The following KIF18A variants were observed in gnomAD, a reference collection of about 807,000 sequenced individuals.
The protein encoded by KIF18A is kinesin-like protein KIF18A.
Under a neutral mutation model 103.3 loss-of-function variants are expected in KIF18A, and 67 were observed. The observed-to-expected ratio is 0.65, with a 90% CI of 0.53 to 0.79. KIF18A has a LOEUF of 0.79. KIF18A is among the 30% of genes least tolerant of loss of function. KIF18A has a pLI of 0.00. For synonymous variants in KIF18A, 367 were observed against 355.5 expected (o/e 1.03, Z -0.36); for missense variants, 1,032 against 1,062.5 (o/e 0.97, Z 0.40).
chr11:28,033,051 A>T (rs760649258), intron 15 of KIF18A, among the ~76,000 whole-genome samples: 2 of 151,726 alleles, frequency 1.3e-5, no homozygotes, highest in Non-Finnish European at 2.9e-5. Flanking sequence ...AAAATGGGCA[A>T]AAGAATAGAC....
chr11:28,028,976 C>T (rs999994785), intron 15 of KIF18A, among the ~76,000 whole-genome samples: 1 of 152,010 alleles, frequency 6.6e-6, no homozygotes, highest in African/African-American at 2.4e-5. Context: ...AAGACTAAAC[C>T]AGGACGAAGT....
At chr11:28,043,247 G>GGCT (rs1850584166) in intron 13 of KIF18A, among the ~76,000 whole-genome samples, 1 of 151,954 alleles carries the variant, frequency 6.6e-6, no homozygotes. Flanking sequence ...ACACATGGAT[G>GGCT]AGATACTCTT....
intron 1 of KIF18A, among the ~76,000 whole-genome samples, chr11:28,106,277 C>CA (rs1851501753): frequency 6.6e-6 from 1 of 152,110 alleles, no homozygotes; most frequent in South Asian, 2.1e-4. Context: ...TGCTTCCAAA[C>CA]AATGATACAG....
At chr11:28,087,352 C>T (rs2133556849) in intron 6 of KIF18A, among the ~76,000 whole-genome samples, 1 of 152,248 alleles carries the variant, frequency 6.6e-6, no homozygotes, top group South Asian at 2.1e-4. Flanking sequence ...GTTTTCTGTT[C>T]CTGTGTTAGT....
chr11:28,052,172 C>T (rs1286303008), intron 13 of KIF18A, among the ~76,000 whole-genome samples: 2 of 152,008 alleles, frequency 1.3e-5, no homozygotes, highest in Non-Finnish European at 2.9e-5. Context: ...ATTCTAGTGC[C>T]TCCTCATGTT....
chr11:28,095,844 C>A (rs1424619069), intron 2 of KIF18A, among the ~76,000 whole-genome samples: 1 of 150,504 alleles, frequency 6.6e-6, no homozygotes, highest in Non-Finnish European at 1.5e-5. Context: ...ACCCTGTATC[C>A]ACAAAAATTT....
rs1393786270 is a variant in KIF18A, at chr11:28,043,050, A to G, written c.1949-6386T>C. On this transcript the variant is annotated intron_variant, in intron 13 of 16. Coordinates refer to ENST00000263181, the MANE Select transcript of KIF18A (RefSeq NM_031217.4). ...AATTAGAACCAGGGATGATGGGGTAAGGTGGGAGTTGGGGAGAATGAGTGA... is the reference window on the plus strand; with the variant it reads ...AATTAGAACCAGGGATGATGGGGTAGGGTGGGAGTTGGGGAGAATGAGTGA... Among the ~76,000 whole-genome samples, 3 of 151,946 alleles carry G rather than the reference A, an allele frequency of 2.0e-5. No individual in the cohort carries two copies. In the South Asian group the frequency reaches 6.2e-4, roughly 31 times the overall value.
Position 28,096,745 on chromosome 11 carries a change from T to C in KIF18A, c.325+878A>G, listed in dbSNP as rs145364012. Among the ~76,000 whole-genome samples, 508 of 152,290 alleles carry C rather than the reference T, an allele frequency of 3.3e-3. 6 individuals carry two copies. The highest frequency in any genetic ancestry group is 0.012 in the African/African-American group (489 of 41,550). ...CAGGAAAAGACAGTGAAACATGTTA[T>C]AGTTGTGAGCTGTCTTGGGGAAAAT... is the stretch of plus-strand genomic sequence containing the variant. On this transcript the variant is annotated intron_variant, in intron 2 of 16. Coordinates refer to ENST00000263181, the MANE Select transcript of KIF18A (RefSeq NM_031217.4).
In KIF18A at chr11:28,083,211, A is replaced by G. The variant is rs1262947766; in HGVS notation, c.1107T>C (p.His369=). 2 of 1,561,500 alleles carry G rather than the reference A, an allele frequency of 1.3e-6. No homozygotes were observed. The highest frequency in any genetic ancestry group is 2.3e-5 in the East Asian group (1 of 42,650). ...LKSNVLNVNN[H]ITQYVKICNE... ...TACAGATCTTTACATATTGAGTTATATGATTATTGACATTAAGAACATTGC... is the reference window on the plus strand; with the variant it reads ...TACAGATCTTTACATATTGAGTTATGTGATTATTGACATTAAGAACATTGC... Residue 369 remains histidine (H), a synonymous_variant, in exon 8 of 17, where the codon CAT becomes CAC. Transcript: ENST00000263181.
intron 13 of KIF18A, among the ~76,000 whole-genome samples, chr11:28,037,291 G>C (rs1850505633): frequency 6.6e-6 from 1 of 151,454 alleles, no homozygotes; most frequent in South Asian, 2.1e-4. Flanking sequence ...CAGGTATACA[G>C]AGTTGACCCT....
chr11:28,058,270 T>A (rs1850807651), intron 13 of KIF18A, among the ~76,000 whole-genome samples: 1 of 151,774 alleles, frequency 6.6e-6, no homozygotes, highest in Non-Finnish European at 1.5e-5. Context: ...ATTATTATCA[T>A]AAAATATGAT....
rs1850819576 is a variant in KIF18A, at chr11:28,058,830, A to G, written c.1948+96T>C. ...TTTCCCATTAATTTTCATAAAATAG[A>G]CAAACCTATTAAAATTAACTGTTCT... On this transcript the variant is annotated intron_variant, in intron 13 of 16. Coordinates refer to ENST00000263181, the MANE Select transcript of KIF18A (RefSeq NM_031217.4). 3.4e-6 allele frequency: 3 copies of G among 892,018 alleles called. No individual in the cohort carries two copies. In the Admixed American group the frequency reaches 7.2e-5, roughly 21 times the overall value. The allele number at this position is 892,018 out of a possible 1,614,324, so 55.3% of individuals were successfully genotyped here.
chr11:28,100,017 A>G (rs560436091), intron 1 of KIF18A, among the ~76,000 whole-genome samples: 1 of 152,222 alleles, frequency 6.6e-6, no homozygotes, highest in Admixed American at 6.5e-5. Flanking sequence ...GTGTATTCTG[A>G]GGGTAAAGGT....
chr11:28,094,619 GATTA>G lies in KIF18A; in HGVS notation c.483+20_483+23del, dbSNP rs748336615. The G allele has an allele frequency of 1.8e-5, 28 of 1,546,322 alleles. No individual in the cohort carries two copies. The highest frequency in any genetic ancestry group is 2.5e-5 in the Non-Finnish European group (28 of 1,122,212). ...ATGTCAATGATTTCCCAAAACTATT[GATTA>G]ATCTAAATTCCCAACTTACCTCCAG... On this transcript the variant is annotated intron_variant, in intron 3 of 16. Coordinates refer to ENST00000263181, the MANE Select transcript of KIF18A (RefSeq NM_031217.4).
At chr11:28,039,013 G>A (rs186935644) in intron 13 of KIF18A, among the ~76,000 whole-genome samples, 2 of 151,754 alleles carry the variant, frequency 1.3e-5, no homozygotes, top group African/African-American at 2.4e-5. Flanking sequence ...ATGGAGGGTA[G>A]AGGACTGAAT....
intron 2 of KIF18A, among the ~76,000 whole-genome samples, chr11:28,097,159 TCTC>T (rs1405571354): frequency 2.0e-5 from 3 of 152,062 alleles, no homozygotes; most frequent in Admixed American, 1.3e-4. Flanking sequence ...TGATCCTCAG[TCTC>T]CTCCTATCCT....
At position 28,082,706 on chromosome 11, in the gene KIF18A, A is replaced by G. The variant is rs1478125496; in HGVS notation, c.1262+150T>C. ...TATCTCTGAGTCAAGCCTGTTATGT[A>G]TGTATGTATGTATGTGTGTATATAT... On this transcript the variant is annotated intron_variant, in intron 9 of 16. Transcript: ENST00000263181. 6.0e-5 allele frequency: 30 copies of G among 502,706 alleles called. 1 individual carries two copies. The highest frequency in any genetic ancestry group is 1.2e-4 in the South Asian group (4 of 32,094). 31.1% of individuals were successfully genotyped at this position (502,706 alleles called of 1,614,324 possible).
chr11:28,063,022 A>G (rs1469657719), intron 11 of KIF18A, among the ~76,000 whole-genome samples: 2 of 152,178 alleles, frequency 1.3e-5, no homozygotes, highest in African/African-American at 4.8e-5. Context: ...AGGTTAGTTC[A>G]GTGTTAAAGC....
chr11:28,087,993 A>G (rs910711187), intron 6 of KIF18A, among the ~76,000 whole-genome samples: 2 of 152,152 alleles, frequency 1.3e-5, no homozygotes, highest in East Asian at 1.9e-4. Flanking sequence ...GGCATATGGT[A>G]TATGTAAACT....
Sources: allele counts gnomAD v4.1 joint callset (sites outside exome capture counted in the v4.1 genomes callset), GRCh38; gene constraint gnomAD v4.1.1; transcripts MANE v1.5; gene names NCBI Gene and HGNC (gene_info 2026-07-23, HGNC 2026-07-21).